RNF141: variants seen among roughly 807,000 people sequenced by gnomAD.
The protein encoded by RNF141 is ring finger protein 141.
A neutral mutation model predicts 27.4 loss-of-function variants in RNF141; 18 were observed. The observed-to-expected ratio is 0.66, with a 90% CI of 0.45 to 0.97. The LOEUF (loss-of-function observed/expected upper bound fraction) is 0.97, where lower values mean the gene tolerates loss of function less well. RNF141 is among the 50% of genes least tolerant of loss of function. The pLI is 0.00. For synonymous variants in RNF141, 97 were observed against 96.6 expected, an observed-to-expected ratio of 1.00 and a Z score of -0.02; for missense variants, 230 against 279.4, an observed-to-expected ratio of 0.82 and a Z score of 1.26.
chr11:10,533,875 A>T, intron 2 of RNF141, 141 bp downstream of exon 2: 1 of 682,328 alleles, frequency 1.5e-6, no homozygotes, highest in Non-Finnish European at 2.4e-6. Context: ...TATAATAGAT[A>T]CTCAATAAGT....
chr11:10,532,535 A>C (rs1014015823), intron 2 of RNF141, among the ~76,000 whole-genome samples: 2 of 93,600 alleles, frequency 2.1e-5, no homozygotes, highest in East Asian at 5.8e-4. Context: ...ACACACACAC[A>C]CACCCCACAA....
chr11:10,540,593 T>A lies in RNF141; in HGVS notation c.-48+529A>T, dbSNP rs4909942. Among the ~76,000 whole-genome samples the A allele has an allele frequency of 5.9e-5, 9 of 152,206 alleles. No homozygotes were observed. The East Asian group carries it at 1.6e-3, about 26-fold the overall frequency. On this transcript the variant is annotated intron_variant, in intron 1 of 5. Transcript: ENST00000265981. ...AAGGGTAGCAGCCTAAGCCAATTCA[T>A]AAGTGTGGGGCTGGCTAAGTAGATC...
At chr11:10,518,122 G>A (rs1849857222) in intron 5 of RNF141, among the ~76,000 whole-genome samples, 1 of 152,142 alleles carries the variant, frequency 6.6e-6, no homozygotes, top group Non-Finnish European at 1.5e-5. Context: ...TTTATTCAAT[G>A]CAATCTCATA....
Position 10,511,705 on chromosome 11 carries a change from C to T in RNF141, c.*3211G>A, listed in dbSNP as rs986883000. 1 of 152,158 alleles carries T rather than the reference C, an allele frequency of 6.6e-6. No individual in the cohort carries two copies. Among genetic ancestry groups the T allele is most frequent in the African/African-American group, 2.4e-5 (1 of 41,414 alleles). The allele number at this position is 152,158 out of a possible 1,614,324, so 9.4% of individuals were successfully genotyped here. On this transcript the variant is annotated 3_prime_UTR_variant, in exon 6 of 6. Coordinates refer to ENST00000265981, the MANE Select transcript of RNF141 (RefSeq NM_016422.4). ...GACTACCTTTTAATAAACTCAACTT[C>T]CCAATGTTAAAAATCACTGAATCAA...
chr11:10,522,717 A>G (rs1242857586), intron 4 of RNF141, among the ~76,000 whole-genome samples: 11 of 152,254 alleles, frequency 7.2e-5, no homozygotes. Flanking sequence ...GCCATTGAAA[A>G]CAATAAATAG....
At chr11:10,521,767 A>C (rs1170431162) in intron 4 of RNF141, among the ~76,000 whole-genome samples, 1 of 152,238 alleles carries the variant, frequency 6.6e-6, no homozygotes, top group Non-Finnish European at 1.5e-5. Context: ...TAGAGGTAAA[A>C]AGCAAAATCA....
chr11:10,515,104 CTTT>C, intron 5 of RNF141, 38 bp from the exon 6 acceptor site: 1 of 1,569,624 alleles, frequency 6.4e-7, no homozygotes, highest in Admixed American at 2.0e-5. Context: ...TTGCTTTCTT[CTTT>C]TTTAAAAACA....
chr11:10,533,276 A>G (rs1850004632), intron 2 of RNF141, among the ~76,000 whole-genome samples: 1 of 152,146 alleles, frequency 6.6e-6, no homozygotes, highest in Non-Finnish European at 1.5e-5. Context: ...AGCCCTATAT[A>G]TTTTCATAGC....
rs1169752242 is a variant in RNF141 at position 10,534,099 on chromosome 11, T to C, written c.60A>G (p.Val20=). The C allele has an allele frequency of 1.2e-6, 2 of 1,613,830 alleles. No individual in the cohort carries two copies. Among genetic ancestry groups the C allele is most frequent in the East Asian group, 2.2e-5 (1 of 44,858 alleles). The change falls in exon 2 of 6, where the codon GTA becomes GTG. Residue 20 remains valine (V), a synonymous_variant. Transcript: ENST00000265981. ...CTCGAACCAACGTAACATGTTTTGCTACTTTTTCTGGTAACTTGTTAATAA... is the reference window on the plus strand; with the variant it reads ...CTCGAACCAACGTAACATGTTTTGCCACTTTTTCTGGTAACTTGTTAATAA... ...QLVINKLPEK[V]AKHVTLVRES...
intron 4 of RNF141, among the ~76,000 whole-genome samples, chr11:10,523,255 C>T (rs2133968653): frequency 6.6e-6 from 1 of 152,310 alleles, no homozygotes; most frequent in Non-Finnish European, 1.5e-5. Context: ...TTTTCAGAAG[C>T]TCTGTGTGCA....
intron 2 of RNF141, among the ~76,000 whole-genome samples, chr11:10,533,031 T>C (rs1450403092): frequency 6.6e-6 from 1 of 152,178 alleles, no homozygotes; most frequent in African/African-American, 2.4e-5. Flanking sequence ...GTTAGCTAAG[T>C]TGAAGAGACT....
chr11:10,513,260 A>G lies in RNF141; in HGVS notation c.*1656T>C, dbSNP rs1464169926. On this transcript the variant is annotated 3_prime_UTR_variant, in exon 6 of 6. Transcript: ENST00000265981. ...GCGAAATCAAGCTACCCCTGGCCAG[A>G]TGTTTTTCCTTGAAATTGATTTGAA... The G allele has an allele frequency of 2.6e-5, 4 of 152,204 alleles. No individual in the cohort carries two copies. Among genetic ancestry groups the G allele is most frequent in the Non-Finnish European group, 5.9e-5 (4 of 68,032 alleles). 9.4% of individuals were successfully genotyped at this position (152,204 alleles called of 1,614,324 possible). A position where few individuals can be genotyped will look rare whatever the true frequency, so the allele number is the denominator to read the frequency against.
rs748945807 is a variant in RNF141, at chr11:10,530,714, G to C, written c.181C>G (p.Leu61Val). ...TCAGACCCAGGTTGTACCTCAAAGAGAAGATGTTTTTCCTGGCCAGAAGCC... is the reference window on the plus strand; with the variant it reads ...TCAGACCCAGGTTGTACCTCAAAGACAAGATGTTTTTCCTGGCCAGAAGCC... ...KVASGQEKHL[L>V]FEVQPGSDSS... The change falls in exon 3 of 6, where the codon CTC (leucine) becomes GTC (valine). Residue 61 changes from leucine to valine, a missense_variant. Transcript: ENST00000265981. 1.9e-6 allele frequency: 3 copies of C among 1,609,470 alleles called. No homozygotes were observed. The highest frequency in any genetic ancestry group is 2.7e-5 in the African/African-American group (2 of 74,746).
chr11:10,539,691 C>CATATATATATATATAT lies in RNF141; in HGVS notation c.-48+1430_-48+1431insATATATATATATATAT, dbSNP rs1554905298. Among the ~76,000 whole-genome samples, 15 of 40,350 alleles carry CATATATATATATATAT rather than the reference C, an allele frequency of 3.7e-4. 2 individuals carry two copies. Among genetic ancestry groups the CATATATATATATATAT allele is most frequent in the African/African-American group, 5.2e-4 (7 of 13,386 alleles). The allele number at this position is 40,350 out of a possible 152,430, so 26.5% of individuals were successfully genotyped here. On this transcript the variant is annotated intron_variant, in intron 1 of 5. Coordinates refer to ENST00000265981, the MANE Select transcript of RNF141 (RefSeq NM_016422.4). ...GATCTTGATCAGAAAAAGATACATA[C>CATATATATATATATAT]ATATATATTAGAGAGAGAAGGAGAG... is the stretch of plus-strand genomic sequence containing the variant.
At chr11:10,531,212 T>C (rs1849983238) in intron 2 of RNF141, among the ~76,000 whole-genome samples, 1 of 151,776 alleles carries the variant, frequency 6.6e-6, no homozygotes, top group Admixed American at 6.6e-5. Context: ...CCGTCTCTAC[T>C]AAAAATACAA....
chr11:10,536,824 T>C (rs1248376948), intron 1 of RNF141, among the ~76,000 whole-genome samples: 1 of 152,174 alleles, frequency 6.6e-6, no homozygotes, highest in Non-Finnish European at 1.5e-5. Context: ...TATGCTAAAA[T>C]AATCCTAAAC....
At position 10,534,080 on chromosome 11, in the gene RNF141, C is replaced by T. The variant is rs1850013381; in HGVS notation, c.79G>A (p.Val27Ile). The T allele has an allele frequency of 6.2e-7, 1 of 1,613,556 alleles. No individual in the cohort carries two copies. Among genetic ancestry groups the T allele is most frequent in the Admixed American group, 1.7e-5 (1 of 59,992 alleles). Residue 27 changes from valine (V) to isoleucine (I), a missense_variant, in exon 2 of 6, where the codon GTT becomes ATT. Coordinates refer to ENST00000265981, the MANE Select transcript of RNF141 (RefSeq NM_016422.4). ...PEKVAKHVTL[V>I]RESGSLTYEE... ...TAAGTTAAGGAGCCACTCTCTCGAA[C>T]CAACGTAACATGTTTTGCTACTTTT...
chr11:10,522,135 T>A lies in RNF141; in HGVS notation c.435-2994A>T, dbSNP rs147142952. 7.1e-3 allele frequency among the ~76,000 whole-genome samples: 1,075 copies of A among 152,352 alleles called. 11 individuals carry two copies. Among genetic ancestry groups the A allele is most frequent in the African/African-American group, 0.024 (999 of 41,574 alleles). ...TGGTAATAGATTAAGTGTTATACGT[T>A]AGTAACAGGGAAAAGAGGGAAGTCA... On this transcript the variant is annotated intron_variant, in intron 4 of 5. Coordinates refer to ENST00000265981, the MANE Select transcript of RNF141 (RefSeq NM_016422.4).
At chr11:10,515,690 T>C (rs1849837748) in intron 5 of RNF141, 1 of 152,184 alleles carries the variant, frequency 6.6e-6, no homozygotes, top group Admixed American at 6.5e-5. Context: ...CAGGGGAATA[T>C]GACAAGAAGA....
Sources: gnomAD v4.1 joint callset for allele counts (sites outside exome capture counted in the v4.1 genomes callset) on GRCh38, gnomAD v4.1.1 for gene constraint, MANE v1.5 for transcripts, NCBI Gene and HGNC (gene_info 2026-07-23, HGNC 2026-07-21) for gene names.